The following TMED10 variants were observed in gnomAD, a reference collection of about 807,000 sequenced individuals.
TMED10 encodes transmembrane emp24 domain-containing protein 10.
TMED10 carries 7 observed loss-of-function variants against 23.1 expected under a neutral mutation model. That is an observed-to-expected ratio of 0.30 (90% CI 0.17 to 0.57). The LOEUF (loss-of-function observed/expected upper bound fraction) is 0.57, where lower values mean the gene tolerates loss of function less well. Ranked by LOEUF, TMED10 falls within the 20% of genes least tolerant of loss-of-function variation. The pLI is 0.91. For missense variants in TMED10, 162 were observed against 274.8 expected (o/e 0.59, Z 2.90); for synonymous variants, 113 against 106.9 (o/e 1.06, Z -0.35).
chr14:75,163,246 C>G (rs1274738076), intron 1 of TMED10, among the ~76,000 whole-genome samples: 1 of 150,894 alleles, frequency 6.6e-6, no homozygotes, highest in Non-Finnish European at 1.5e-5. Flanking sequence ...TGTCTCAAAA[C>G]AAACACACAA....
At chr14:75,155,812 A>C (rs1896013828) in intron 1 of TMED10, among the ~76,000 whole-genome samples, 1 of 152,234 alleles carries the variant, frequency 6.6e-6, no homozygotes, top group Non-Finnish European at 1.5e-5. Context: ...CCAGAAAAAC[A>C]TAAAACAAAA....
intron 1 of TMED10, among the ~76,000 whole-genome samples, chr14:75,166,778 T>C (rs1466588819): frequency 6.6e-6 from 1 of 152,186 alleles, no homozygotes; most frequent in Non-Finnish European, 1.5e-5. Context: ...ATCTATTTAT[T>C]GACCTGTTTC....
rs2139827874 is a variant in TMED10 at position 75,134,100 on chromosome 14, TAAGA to T, written c.*781_*784del. The T allele has an allele frequency of 1.7e-5, 3 of 174,178 alleles. 1 individual carries two copies. The South Asian group carries it at 3.1e-4, about 18-fold the overall frequency. 10.8% of individuals were successfully genotyped at this position (174,178 alleles called of 1,614,324 possible). A position where few individuals can be genotyped will look rare whatever the true frequency, so the allele number is the denominator to read the frequency against. On this transcript the variant is annotated 3_prime_UTR_variant, in exon 5 of 5. Transcript: ENST00000303575. The stretch of plus-strand genomic sequence containing the variant: ...GTAGCCACAGGTTGGGGTGAGGGTA[TAAGA>T]AAGGGATGTGGCTGCGGCTGTAAAA...
chr14:75,143,875 A>C (rs894186465), intron 3 of TMED10, among the ~76,000 whole-genome samples: 1 of 149,018 alleles, frequency 6.7e-6, no homozygotes, highest in African/African-American at 2.5e-5. Context: ...CAGAGGTTGC[A>C]GTGAGCTAAG....
intron 3 of TMED10, among the ~76,000 whole-genome samples, chr14:75,145,775 A>G (rs1179476011): frequency 6.6e-6 from 1 of 152,162 alleles, no homozygotes; most frequent in Non-Finnish European, 1.5e-5. Context: ...CAACCAAGCG[A>G]GACTCCATCT....
chr14:75,156,591 T>C (rs1259067083), intron 1 of TMED10, among the ~76,000 whole-genome samples: 1 of 152,120 alleles, frequency 6.6e-6, no homozygotes, highest in African/African-American at 2.4e-5. Context: ...AAGGTAGACA[T>C]TTTAACTTTC....
rs577214403 is a variant in TMED10 at position 75,134,072 on chromosome 14, G to T, written c.*813C>A. ...AATTACAGAGATGGAGGACAGAACAGTGGTAGCCACAGGTTGGGGTGAGGG... is the reference window on the plus strand; with the variant it reads ...AATTACAGAGATGGAGGACAGAACATTGGTAGCCACAGGTTGGGGTGAGGG... On this transcript the variant is annotated 3_prime_UTR_variant, in exon 5 of 5. Transcript: ENST00000303575. 10 of 189,372 alleles carry T rather than the reference G, an allele frequency of 5.3e-5. No individual in the cohort carries two copies. The highest frequency in any genetic ancestry group is 8.8e-5 in the Non-Finnish European group (8 of 90,572). The allele number at this position is 189,372 out of a possible 1,614,324, so 11.7% of individuals were successfully genotyped here.
chr14:75,171,870 A>G (rs1019785240), intron 1 of TMED10, among the ~76,000 whole-genome samples: 1 of 152,100 alleles, frequency 6.6e-6, no homozygotes, highest in Non-Finnish European at 1.5e-5. Context: ...CACAAAAAGT[A>G]CTGTGTGTTC....
At chr14:75,137,776 T>C (rs1373256889) in intron 3 of TMED10, among the ~76,000 whole-genome samples, 2 of 151,164 alleles carry the variant, frequency 1.3e-5, no homozygotes, top group African/African-American at 4.9e-5. Flanking sequence ...GGTATGATCT[T>C]GGCTCACTGC....
intron 2 of TMED10, among the ~76,000 whole-genome samples, chr14:75,148,891 A>G (rs1390695157): frequency 6.6e-6 from 1 of 152,212 alleles, no homozygotes; most frequent in Non-Finnish European, 1.5e-5. Context: ...TGAGAGGTAA[A>G]ACCTTTAATT....
rs1342549945 is a variant in TMED10, at chr14:75,132,178, A to T, written c.*2707T>A. On this transcript the variant is annotated 3_prime_UTR_variant, in exon 5 of 5. Transcript: ENST00000303575. ...TGAGGCAGGCAGATCACTTGAGGTC[A>T]GGAGTTCGAGACCAACCTGGCCAAT... 3 of 152,292 alleles carry T rather than the reference A, an allele frequency of 2.0e-5. No individual in the cohort carries two copies. The highest frequency in any genetic ancestry group is 7.2e-5 in the African/African-American group (3 of 41,456). The allele number at this position is 152,292 out of a possible 1,614,324, so 9.4% of individuals were successfully genotyped here.
intron 1 of TMED10, among the ~76,000 whole-genome samples, chr14:75,169,789 A>G (rs1352541118): frequency 6.6e-6 from 1 of 152,196 alleles, no homozygotes; most frequent in Non-Finnish European, 1.5e-5. Flanking sequence ...TGGAAATATG[A>G]CCAAAGACAA....
intron 1 of TMED10, among the ~76,000 whole-genome samples, chr14:75,172,498 C>CG (rs1490450729): frequency 1.3e-5 from 2 of 151,914 alleles, no homozygotes; most frequent in East Asian, 1.9e-4. Flanking sequence ...TTAGTAGAGA[C>CG]GGGGTTTCAC....
rs1895684584 is a variant in TMED10, at chr14:75,131,528, C to G, written c.*3357G>C. 1 of 152,572 alleles carries G rather than the reference C, an allele frequency of 6.6e-6. No homozygotes were observed. Among genetic ancestry groups the G allele is most frequent in the Admixed American group, 6.5e-5 (1 of 15,268 alleles). 9.5% of individuals were successfully genotyped at this position (152,572 alleles called of 1,614,324 possible). On this transcript the variant is annotated 3_prime_UTR_variant, in exon 5 of 5. Transcript: ENST00000303575. ...ACAAAAATCCCCAATCCAACATTTA[C>G]AAGTGAATCTGTATAAATCCCATAT...
At chr14:75,138,817 T>TA (rs1278688169) in intron 3 of TMED10, among the ~76,000 whole-genome samples, 26 of 96,376 alleles carry the variant, frequency 2.7e-4, no homozygotes, top group Admixed American at 1.2e-3. Flanking sequence ...TGCTTCTTTT[T>TA]TTTTTTTTTT....
intron 1 of TMED10, among the ~76,000 whole-genome samples, chr14:75,160,481 GT>G (rs368514159): frequency 0.01 from 1,510 of 149,668 alleles, 19 homozygotes; most frequent in African/African-American, 0.032. Context: ...GAAGTGAGAG[GT>G]TTTTTTTTTC....
intron 1 of TMED10, among the ~76,000 whole-genome samples, chr14:75,164,164 C>T (rs144675784): frequency 1.6e-3 from 242 of 150,358 alleles, no homozygotes; most frequent in African/African-American, 5.8e-3. Flanking sequence ...CTCCCGGGTT[C>T]AAGCAATTCT....
chr14:75,134,046 A>G lies in TMED10; in HGVS notation c.*839T>C, dbSNP rs1895718344. The G allele has an allele frequency of 1.0e-5, 2 of 198,358 alleles. No homozygotes were observed. The highest frequency in any genetic ancestry group is 6.3e-5 in the South Asian group (1 of 15,880). The allele number at this position is 198,358 out of a possible 1,614,324, so 12.3% of individuals were successfully genotyped here. A position where few individuals can be genotyped will look rare whatever the true frequency, so the allele number is the denominator to read the frequency against. On this transcript the variant is annotated 3_prime_UTR_variant, in exon 5 of 5. Coordinates refer to ENST00000303575, the MANE Select transcript of TMED10 (RefSeq NM_006827.6). The stretch of plus-strand genomic sequence containing the variant: ...TTCATACAACATTCTTGAAATGACA[A>G]AATTACAGAGATGGAGGACAGAACA...
At chr14:75,170,386 C>T (rs1456705785) in intron 1 of TMED10, among the ~76,000 whole-genome samples, 1 of 152,060 alleles carries the variant, frequency 6.6e-6, no homozygotes, top group African/African-American at 2.4e-5. Context: ...CCAATCCCCA[C>T]AAAAAGGAAC....
Sources: gnomAD v4.1 joint callset for allele counts (sites outside exome capture counted in the v4.1 genomes callset) on GRCh38, gnomAD v4.1.1 for gene constraint, MANE v1.5 for transcripts, NCBI Gene and HGNC (gene_info 2026-07-23, HGNC 2026-07-21) for gene names.